LINGO2: variants seen among roughly 807,000 people sequenced by gnomAD.
LINGO2 encodes the protein leucine-rich repeat and immunoglobulin-like domain-containing nogo receptor-interacting protein 2.
LINGO2 carries 14 observed loss-of-function variants against 30.6 expected under a neutral mutation model. The observed-to-expected ratio is 0.46, with a 90% CI of 0.30 to 0.72. The LOEUF (loss-of-function observed/expected upper bound fraction) is 0.72. Ranked by LOEUF, LINGO2 falls within the 30% of genes least tolerant of loss-of-function variation. The pLI is 0.07. For missense variants in LINGO2, 729 were observed against 751.7 expected, an observed-to-expected ratio of 0.97 and a Z score of 0.35; for synonymous variants, 317 against 288.5, an observed-to-expected ratio of 1.10 and a Z score of -1.00.
the LINGO2 span, among the ~76,000 whole-genome samples, chr9:28,748,371 T>C: frequency 4.0e-5 from 5 of 126,326 alleles, no homozygotes; most frequent in African/African-American, 1.5e-4. Flanking sequence ...ATATTTATTT[T>C]ACTAATTTCT....
Position 27,949,411 on chromosome 9 carries a change from G to A in LINGO2, c.1261C>T (p.Leu421=), listed in dbSNP as rs1180833314. The A allele has an allele frequency of 1.9e-6, 3 of 1,614,000 alleles. No homozygotes were observed. The African/African-American group carries it at 4.0e-5, about 22-fold the overall frequency. Reference sequence around the variant, plus strand: ...TGGACTGTCTGCCCTTCATCTACTAGCAGATGCTGCAACTTCTTTTCACGG... The same window carrying A: ...TGGACTGTCTGCCCTTCATCTACTAACAGATGCTGCAACTTCTTTTCACGG... Residue 421 remains leucine (L), a synonymous_variant, in exon 6 of 6, where the codon CTA becomes TTA. Transcript: ENST00000379992.
At position 28,048,549 on chromosome 9, in the gene LINGO2, A is replaced by C. The variant is rs1236245202; in HGVS notation, c.-86-36144T>G. 4.6e-5 allele frequency among the ~76,000 whole-genome samples: 7 copies of C among 150,912 alleles called. No individual in the cohort carries two copies. In the East Asian group the frequency reaches 1.4e-3, roughly 30 times the overall value. ...GTAAGGAATCCATTTATTTATTTAT[A>C]GTGATCTTATAAATTGGCATACCTC... On this transcript the variant is annotated intron_variant, in intron 4 of 5. Transcript: ENST00000379992.
chr9:28,920,086 T>C, the LINGO2 span, among the ~76,000 whole-genome samples: 1 of 152,136 alleles, frequency 6.6e-6, no homozygotes, highest in East Asian at 1.9e-4. Context: ...TAAATATACA[T>C]ATTTCTCTAT....
chr9:28,855,978 A>C, the LINGO2 span, among the ~76,000 whole-genome samples: 1 of 152,012 alleles, frequency 6.6e-6, no homozygotes, highest in South Asian at 2.1e-4. Flanking sequence ...TTGGACCTTG[A>C]TCAGAATGAA....
At chr9:29,134,830 CT>C in the LINGO2 span, among the ~76,000 whole-genome samples, 2 of 151,912 alleles carry the variant, frequency 1.3e-5, no homozygotes, top group Non-Finnish European at 2.9e-5. Context: ...TATCCTTGAA[CT>C]TACAATGTAA....
chr9:28,915,830 AAAG>A, the LINGO2 span, among the ~76,000 whole-genome samples: 1 of 152,198 alleles, frequency 6.6e-6, no homozygotes, highest in South Asian at 2.1e-4. Flanking sequence ...GAGACAGAAT[AAAG>A]AAGTATAAGC....
chr9:28,081,830 T>A (rs200001741), intron 4 of LINGO2, among the ~76,000 whole-genome samples: 1 of 2,484 alleles, frequency 4.0e-4, no homozygotes, highest in Admixed American at 0.014. Context: ...TTAGCAATTG[T>A]TTTTTTTTCT....
At chr9:28,667,384 T>C (rs1045644068) in intron 1 of LINGO2, among the ~76,000 whole-genome samples, 39 of 152,126 alleles carry the variant, frequency 2.6e-4, no homozygotes, top group Admixed American at 2.5e-3. Context: ...TTACAGAGAG[T>C]CACCATCATC....
At chr9:28,457,537 C>T (rs1824898764) in intron 2 of LINGO2, among the ~76,000 whole-genome samples, 1 of 151,936 alleles carries the variant, frequency 6.6e-6, no homozygotes, top group Non-Finnish European at 1.5e-5. Context: ...GCCTCAGACT[C>T]ACTAGTGGCT....
chr9:28,002,798 G>T (rs1822029151), intron 5 of LINGO2, among the ~76,000 whole-genome samples: 1 of 152,158 alleles, frequency 6.6e-6, no homozygotes, highest in Non-Finnish European at 1.5e-5. Context: ...CCGTCAGTGG[G>T]TTTTCTCAGG....
the LINGO2 span, among the ~76,000 whole-genome samples, chr9:29,137,786 A>G: frequency 6.6e-6 from 1 of 152,226 alleles, no homozygotes; most frequent in Non-Finnish European, 1.5e-5. Context: ...GTAAGGCTCT[A>G]GAACCAAATG....
the LINGO2 span, among the ~76,000 whole-genome samples, chr9:28,975,959 A>C: frequency 3.9e-5 from 6 of 152,202 alleles, no homozygotes; most frequent in Non-Finnish European, 7.4e-5. Flanking sequence ...GCAACATCTT[A>C]GGTGATTGAT....
the LINGO2 span, among the ~76,000 whole-genome samples, chr9:28,901,557 CAT>C: frequency 7.6e-3 from 1,145 of 151,646 alleles, 16 homozygotes; most frequent in African/African-American, 0.026. Context: ...ACATCAAAAA[CAT>C]AAAATGTATG....
intron 5 of LINGO2, among the ~76,000 whole-genome samples, chr9:28,008,136 T>G (rs911590358): frequency 1.4e-4 from 22 of 152,216 alleles, no homozygotes; most frequent in Admixed American, 1.2e-3. Context: ...TCTGCAAAGG[T>G]GAGTGGGCTT....
chr9:28,947,216 A>T, the LINGO2 span, among the ~76,000 whole-genome samples: 1 of 152,082 alleles, frequency 6.6e-6, no homozygotes, highest in South Asian at 2.1e-4. Flanking sequence ...AATTTCCATT[A>T]TGCTGAATGG....
intron 4 of LINGO2, among the ~76,000 whole-genome samples, chr9:28,289,829 G>A (rs1823652092): frequency 6.6e-6 from 1 of 151,984 alleles, no homozygotes; most frequent in Non-Finnish European, 1.5e-5. Context: ...CACTCTCCTG[G>A]GCACTCAGGC....
intron 3 of LINGO2, among the ~76,000 whole-genome samples, chr9:28,339,574 C>T (rs1269653621): frequency 6.6e-6 from 1 of 152,118 alleles, no homozygotes; most frequent in Non-Finnish European, 1.5e-5. Context: ...TTAATGTCAA[C>T]ATATTTTCTG....
At chr9:28,849,265 T>TTTG in the LINGO2 span, among the ~76,000 whole-genome samples, 151,804 of 151,898 alleles carry the variant, frequency 1, 75,855 homozygotes, top group Middle Eastern at 1. Flanking sequence ...AAAGCAGCTT[T>TTTG]TTGTTGTTGT....
chr9:28,759,496 C>T, the LINGO2 span, among the ~76,000 whole-genome samples: 1 of 151,744 alleles, frequency 6.6e-6, no homozygotes, highest in African/African-American at 2.4e-5. Context: ...TCCTGGCTAA[C>T]ATGGTGAAAC....
Sources: allele counts gnomAD v4.1 joint callset (sites outside exome capture counted in the v4.1 genomes callset), GRCh38; gene constraint gnomAD v4.1.1; transcripts MANE v1.5; gene names NCBI Gene and HGNC (gene_info 2026-07-23, HGNC 2026-07-21).